The following ADAMTSL1 variants were observed in gnomAD, a reference collection of about 807,000 sequenced individuals.
ADAMTSL1 encodes ADAMTS like 1.
In ADAMTSL1, 126 loss-of-function variants were observed where a neutral mutation model predicts 201.8. That is an observed-to-expected ratio of 0.62 (90% CI 0.54 to 0.72). The LOEUF is 0.72. Among genes scored for constraint, ADAMTSL1 ranks in the 30% least tolerant of loss-of-function variants. ADAMTSL1 has a pLI of 0.00. For synonymous variants in ADAMTSL1, 1,121 were observed against 903.4 expected, an observed-to-expected ratio of 1.24 and a Z score of -4.32; for missense variants, 2,679 against 2,277.8, an observed-to-expected ratio of 1.18 and a Z score of -3.59.
chr9:18,187,517 G>A (rs1468115030), intron 2 of ADAMTSL1, among the ~76,000 whole-genome samples: 1 of 151,956 alleles, frequency 6.6e-6, no homozygotes, highest in African/African-American at 2.4e-5. Context: ...TGTGGTCCCT[G>A]TTTTGGAATA....
chr9:18,905,790 G>T lies in ADAMTSL1; in HGVS notation c.4860G>T (p.Gly1620=). The T allele has an allele frequency of 6.2e-7, 1 of 1,612,782 alleles. No individual in the cohort carries two copies. The highest frequency in any genetic ancestry group is 1.1e-5 in the South Asian group (1 of 90,678). ...WAFSSWGQCN[G]PCIGPHLAVQ... is the part of the protein sequence containing the mutation. Reference sequence around the variant, plus strand: ...CTTTTTCTGCTTTCCAGTGCAATGGGCCTTGCATCGGGCCTCACCTAGCTG... The same window carrying T: ...CTTTTTCTGCTTTCCAGTGCAATGGTCCTTGCATCGGGCCTCACCTAGCTG... Residue 1620 remains glycine (G), a synonymous_variant, in exon 27 of 29, where the codon GGG becomes GGT. Transcript: ENST00000380548.
chr9:18,287,016 C>A (rs948795568), intron 2 of ADAMTSL1, among the ~76,000 whole-genome samples: 2 of 151,772 alleles, frequency 1.3e-5, no homozygotes, highest in East Asian at 3.9e-4. Flanking sequence ...ACAAATAATC[C>A]CAAATTCTCA....
chr9:18,032,887 C>G (rs760488286), intron 1 of ADAMTSL1, among the ~76,000 whole-genome samples: 8 of 115,378 alleles, frequency 6.9e-5, no homozygotes, highest in Non-Finnish European at 1.4e-4. Flanking sequence ...CTCAGTGACT[C>G]TGTGTGGGGC....
At chr9:18,838,866 T>C (rs1362097970) in intron 23 of ADAMTSL1, among the ~76,000 whole-genome samples, 1 of 148,480 alleles carries the variant, frequency 6.7e-6, no homozygotes, top group Non-Finnish European at 1.5e-5. Flanking sequence ...ACAAGTGAGA[T>C]CCTGTCTCTT....
intron 2 of ADAMTSL1, among the ~76,000 whole-genome samples, chr9:18,320,623 A>G (rs1201269997): frequency 6.6e-6 from 1 of 152,204 alleles, no homozygotes; most frequent in African/African-American, 2.4e-5. Context: ...ATTTCTTTTA[A>G]AAATAGCTGG....
chr9:18,116,116 T>C (rs763841848), intron 1 of ADAMTSL1, among the ~76,000 whole-genome samples: 15 of 152,156 alleles, frequency 9.9e-5, no homozygotes, highest in Non-Finnish European at 1.6e-4. Context: ...GCTTCCCCTC[T>C]CTGTGCAGTC....
chr9:17,932,638 A>C (rs1396016304), intron 1 of ADAMTSL1, among the ~76,000 whole-genome samples: 2 of 152,086 alleles, frequency 1.3e-5, no homozygotes, highest in African/African-American at 2.4e-5. Context: ...ACTTCCACTA[A>C]GTTTATCTCA....
intron 1 of ADAMTSL1, among the ~76,000 whole-genome samples, chr9:18,121,260 G>T (rs1184876038): frequency 6.6e-6 from 1 of 152,156 alleles, no homozygotes; most frequent in East Asian, 1.9e-4. Context: ...GTGTGTAAAA[G>T]CCAGCCATGT....
chr9:18,411,181 T>TATTC, intron 2 of ADAMTSL1, among the ~76,000 whole-genome samples: 1 of 149,258 alleles, frequency 6.7e-6, no homozygotes, highest in African/African-American at 2.5e-5. Flanking sequence ...TTTATTTATT[T>TATTC]ATTTATTTAT....
chr9:18,139,703 T>G (rs1826316717), intron 1 of ADAMTSL1, among the ~76,000 whole-genome samples: 1 of 152,212 alleles, frequency 6.6e-6, no homozygotes, highest in African/African-American at 2.4e-5. Flanking sequence ...TATTTTAACC[T>G]TATAAACTGC....
intron 1 of ADAMTSL1, among the ~76,000 whole-genome samples, chr9:18,016,700 GGTGCCAT>G (rs906198930): frequency 5.9e-5 from 9 of 151,932 alleles, no homozygotes; most frequent in African/African-American, 2.2e-4. Flanking sequence ...GTCCCATCAA[GGTGCCAT>G]GTACAAAAAA....
At chr9:18,470,151 A>C (rs1821151207), upstream of ADAMTSL1, among the ~76,000 whole-genome samples, 1 of 152,146 alleles carries the variant, frequency 6.6e-6, no homozygotes, top group African/African-American at 2.4e-5. Flanking sequence ...CCTGCTAATA[A>C]CTTTGATGAA....
At position 18,817,224 on chromosome 9, in the gene ADAMTSL1, C is replaced by T. The variant is rs529218941; in HGVS notation, c.3921C>T (p.Asn1307=). ...KTVQGVNVTI[N]CQVAGVPEAE... is the part of the protein sequence containing the mutation. ...TGCAGGGAGTGAATGTGACAATCAACTGCCAGGTTGCAGGTGAGAAATTAA... is the reference window on the plus strand; with the variant it reads ...TGCAGGGAGTGAATGTGACAATCAATTGCCAGGTTGCAGGTGAGAAATTAA... Residue 1307 remains asparagine, a synonymous_variant, in exon 21 of 29, where the codon AAC becomes AAT. Coordinates refer to ENST00000380548, the MANE Select transcript of ADAMTSL1 (RefSeq NM_001040272.6). 8.4e-6 allele frequency: 13 copies of T among 1,555,914 alleles called. No individual in the cohort carries two copies. The highest frequency in any genetic ancestry group is 1.1e-5 in the Non-Finnish European group (13 of 1,149,194).
At chr9:18,876,336 T>TGTGTG (rs1828154512) in intron 23 of ADAMTSL1, among the ~76,000 whole-genome samples, 2 of 55,558 alleles carry the variant, frequency 3.6e-5, no homozygotes, top group African/African-American at 1.8e-4. Flanking sequence ...GTGTGCGTGA[T>TGTGTG]TGTTTTATAG....
Position 18,694,815 on chromosome 9 carries a change from T to A in ADAMTSL1, c.1574+10015T>A, listed in dbSNP as rs7032837. Among the ~76,000 whole-genome samples the A allele has an allele frequency of 5.8e-3, 884 of 152,318 alleles. 8 individuals are homozygous for A. Among genetic ancestry groups the A allele is most frequent in the African/African-American group, 0.02 (846 of 41,574 alleles). Reference sequence around the variant, plus strand: ...TTGAGACTCTGTGTGGGGCCTCCAATCCCACATTTCCCATCCATACTGTTC... The same window carrying A: ...TTGAGACTCTGTGTGGGGCCTCCAAACCCACATTTCCCATCCATACTGTTC... On this transcript the variant is annotated intron_variant, in intron 13 of 28. Transcript: ENST00000380548.
At position 18,777,075 on chromosome 9, in the gene ADAMTSL1, C is replaced by A. The variant is rs769726074; in HGVS notation, c.2846C>A (p.Ala949Glu). ...GATGCAGGCGTCTACACCTGCTCAG[C>A]GGGCCCGGCCCGGGAGCACTTTGTG... Reference protein sequence around the residue: ...PSDAGVYTCSAGPAREHFVIK... With the variant: ...PSDAGVYTCSEGPAREHFVIK... The change falls in exon 19 of 29, where the codon GCG (alanine) becomes GAG (glutamate). Residue 949 changes from alanine to glutamate, a missense_variant. Transcript: ENST00000380548. The A allele has an allele frequency of 3.7e-6, 6 of 1,613,170 alleles. No homozygotes were observed. The highest frequency in any genetic ancestry group is 5.1e-6 in the Non-Finnish European group (6 of 1,179,814).
intron 23 of ADAMTSL1, among the ~76,000 whole-genome samples, chr9:18,871,822 T>G (rs571859117): frequency 5.9e-5 from 9 of 152,276 alleles, no homozygotes; most frequent in Non-Finnish European, 1.2e-4. Flanking sequence ...TGATACAGAC[T>G]CTCTAAAGCT....
At chr9:18,869,509 G>C (rs1157058414) in intron 23 of ADAMTSL1, among the ~76,000 whole-genome samples, 1 of 152,168 alleles carries the variant, frequency 6.6e-6, no homozygotes, top group Admixed American at 6.5e-5. Context: ...TATGGCAAGA[G>C]AATAAATTCA....
upstream of ADAMTSL1, among the ~76,000 whole-genome samples, chr9:18,471,897 A>T (rs1192503813): frequency 6.6e-6 from 1 of 152,240 alleles, no homozygotes; most frequent in Non-Finnish European, 1.5e-5. Flanking sequence ...TGCAAAGCAG[A>T]AAAGAATCTA....
Sources: allele counts gnomAD v4.1 joint callset (sites outside exome capture counted in the v4.1 genomes callset), GRCh38; gene constraint gnomAD v4.1.1; transcripts MANE v1.5; gene names NCBI Gene and HGNC (gene_info 2026-07-23, HGNC 2026-07-21).